Variants in GRM8 observed in about 807,000 individuals in gnomAD.
GRM8 encodes the protein metabotropic glutamate receptor 8.
GRM8 carries 47 observed loss-of-function variants against 87.2 expected under a neutral mutation model. The observed-to-expected ratio is 0.54, with a 90% CI of 0.43 to 0.69. GRM8 has a LOEUF of 0.69. Ranked by LOEUF, GRM8 falls within the 30% of genes least tolerant of loss-of-function variation. GRM8 has a pLI of 0.00. For missense variants in GRM8, 1,019 were observed against 1,139.2 expected, an observed-to-expected ratio of 0.89 and a Z score of 1.52; for synonymous variants, 396 against 404.5, an observed-to-expected ratio of 0.98 and a Z score of 0.25.
At chr7:127,115,548 C>A (rs139100946) in intron 2 of GRM8, among the ~76,000 whole-genome samples, 2 of 152,196 alleles carry the variant, frequency 1.3e-5, no homozygotes, top group Non-Finnish European at 2.9e-5. Flanking sequence ...TTGGTAATGG[C>A]ATTTTGACTT....
At chr7:126,758,700 T>C (rs1454485982) in intron 7 of GRM8, among the ~76,000 whole-genome samples, 1 of 152,168 alleles carries the variant, frequency 6.6e-6, no homozygotes, top group Non-Finnish European at 1.5e-5. Context: ...TACTTACAGA[T>C]TTTTTAAATT....
intron 3 of GRM8, among the ~76,000 whole-genome samples, chr7:126,984,793 T>A (rs1362307545): frequency 2.0e-5 from 3 of 152,338 alleles, no homozygotes; most frequent in African/African-American, 7.2e-5. Context: ...TTCTTTTTTA[T>A]GAAGTTATTG....
chr7:126,730,486 T>C (rs1813468877), intron 7 of GRM8, among the ~76,000 whole-genome samples: 1 of 152,070 alleles, frequency 6.6e-6, no homozygotes, highest in African/African-American at 2.4e-5. Flanking sequence ...GAAAAGTGAA[T>C]TTGGGGTAGA....
rs1477834900 is a variant in GRM8, at chr7:126,591,894, A to C, written c.1494+17468T>G. On this transcript the variant is annotated intron_variant, in intron 8 of 10. Coordinates refer to ENST00000339582, the MANE Select transcript of GRM8 (RefSeq NM_000845.3). Reference sequence around the variant, plus strand: ...TGACAAAACTTAAAGAGACACAGATAAATAAAATCATAAATGAAAAAGGAG... The same window carrying C: ...TGACAAAACTTAAAGAGACACAGATCAATAAAATCATAAATGAAAAAGGAG... Among the ~76,000 whole-genome samples the C allele has an allele frequency of 1.6e-4, 24 of 151,848 alleles. 1 individual carries two copies.
chr7:127,129,217 C>A (rs1356006231), intron 2 of GRM8, among the ~76,000 whole-genome samples: 1 of 152,038 alleles, frequency 6.6e-6, no homozygotes, highest in Admixed American at 6.6e-5. Flanking sequence ...AAGGTATAAA[C>A]CAGAAAATTA....
At chr7:126,940,943 C>G (rs1256674558) in intron 3 of GRM8, among the ~76,000 whole-genome samples, 1 of 152,136 alleles carries the variant, frequency 6.6e-6, no homozygotes, top group Non-Finnish European at 1.5e-5. Context: ...TTAGTTGGCC[C>G]CTTTCTAGCT....
chr7:126,656,584 C>T (rs1354347732), intron 7 of GRM8, among the ~76,000 whole-genome samples: 1 of 152,072 alleles, frequency 6.6e-6, no homozygotes, highest in East Asian at 1.9e-4. Flanking sequence ...AGGAGAATCG[C>T]TTGAACCTGG....
At chr7:126,554,901 T>C (rs1017603220) in intron 8 of GRM8, among the ~76,000 whole-genome samples, 1 of 152,184 alleles carries the variant, frequency 6.6e-6, no homozygotes, top group Non-Finnish European at 1.5e-5. Flanking sequence ...CCTGTTTTGT[T>C]TGGCAAATAA....
At chr7:126,484,783 G>A (rs900766874) in intron 9 of GRM8, among the ~76,000 whole-genome samples, 10 of 151,796 alleles carry the variant, frequency 6.6e-5, no homozygotes, top group Non-Finnish European at 1.0e-4. Context: ...GCTGGCCTTC[G>A]TAAAACAAAC....
intron 3 of GRM8, among the ~76,000 whole-genome samples, chr7:126,950,120 T>C (rs1016279491): frequency 2.0e-5 from 3 of 152,196 alleles, no homozygotes; most frequent in South Asian, 2.1e-4. Context: ...TTACAAAATA[T>C]ATAGCTGGTT....
At chr7:126,806,308 G>A (rs1490370400) in intron 6 of GRM8, among the ~76,000 whole-genome samples, 1 of 152,014 alleles carries the variant, frequency 6.6e-6, no homozygotes, top group Non-Finnish European at 1.5e-5. Context: ...GTGGTCTCGC[G>A]GCCTTCAGGA....
At chr7:127,030,890 A>G (rs1817297348) in intron 3 of GRM8, among the ~76,000 whole-genome samples, 1 of 152,108 alleles carries the variant, frequency 6.6e-6, no homozygotes. Flanking sequence ...CTAATGTTAC[A>G]TGGTTTCCAG....
chr7:126,614,728 C>T (rs1490122804), intron 7 of GRM8, among the ~76,000 whole-genome samples: 1 of 152,176 alleles, frequency 6.6e-6, no homozygotes, highest in Admixed American at 6.5e-5. Flanking sequence ...GTGATGAATG[C>T]ACAAGCTTCA....
At chr7:126,734,270 G>C (rs1813944163) in intron 7 of GRM8, among the ~76,000 whole-genome samples, 1 of 151,816 alleles carries the variant, frequency 6.6e-6, no homozygotes, top group Non-Finnish European at 1.5e-5. Flanking sequence ...TTCCAGTTAA[G>C]TGGATAAATT....
At chr7:127,054,099 C>T (rs17864956) in intron 3 of GRM8, among the ~76,000 whole-genome samples, 1,526 of 152,214 alleles carry the variant, frequency 0.01, 22 homozygotes, top group African/African-American at 0.033. Flanking sequence ...TAGACATATG[C>T]TTTGTAAATT....
chr7:126,509,709 A>C (rs1811042059), intron 9 of GRM8, among the ~76,000 whole-genome samples: 1 of 152,058 alleles, frequency 6.6e-6, no homozygotes, highest in Non-Finnish European at 1.5e-5. Flanking sequence ...CTAGCAAATG[A>C]TAGAGATAAA....
At chr7:126,638,989 A>T (rs1401495129) in intron 7 of GRM8, among the ~76,000 whole-genome samples, 2 of 152,004 alleles carry the variant, frequency 1.3e-5, no homozygotes, top group East Asian at 3.9e-4. Context: ...TCACCACACA[A>T]TCTACTCTAG....
chr7:126,534,465 T>C (rs1168501550), intron 8 of GRM8, among the ~76,000 whole-genome samples: 4 of 152,242 alleles, frequency 2.6e-5, no homozygotes, highest in Non-Finnish European at 5.9e-5. Flanking sequence ...ATATCCTTTT[T>C]TTCTTCAGTC....
At position 126,831,366 on chromosome 7, in the gene GRM8, C is replaced by G. The variant is rs568673001; in HGVS notation, c.1157-61301G>C. 2.3e-3 allele frequency among the ~76,000 whole-genome samples: 357 copies of G among 152,346 alleles called. 1 individual carries two copies. The highest frequency in any genetic ancestry group is 8.1e-3 in the African/African-American group (335 of 41,588). On this transcript the variant is annotated intron_variant, in intron 6 of 10. Coordinates refer to ENST00000339582, the MANE Select transcript of GRM8 (RefSeq NM_000845.3). ...TGTGGTGGGCTCCACCCAGTTCGAGCTTCCCGGCTGCTTTGTTTACCTAAG... is the reference window on the plus strand; with the variant it reads ...TGTGGTGGGCTCCACCCAGTTCGAGGTTCCCGGCTGCTTTGTTTACCTAAG...
Sources: allele counts gnomAD v4.1 joint callset (sites outside exome capture counted in the v4.1 genomes callset), GRCh38; gene constraint gnomAD v4.1.1; transcripts MANE v1.5; gene names NCBI Gene and HGNC (gene_info 2026-07-23, HGNC 2026-07-21).